The following DRC11 variants were observed in gnomAD, a reference collection of about 807,000 sequenced individuals.
The protein encoded by DRC11 is dynein regulatory complex subunit 11, also known as IQ and AAA domain-containing protein 1.
chr2:236,315,343 A>G, the DRC11 span, among the ~76,000 whole-genome samples: 1 of 152,224 alleles, frequency 6.6e-6, no homozygotes, highest in South Asian at 2.1e-4. This position sits in a 1 kb window ranked among gnomAD's most constrained non-coding sequence, Gnocchi z 5.1. Context: ...TATAAATGTG[A>G]TAAGTGAAAC....
chr2:236,382,553 T>C, the DRC11 span, among the ~76,000 whole-genome samples: 1 of 152,238 alleles, frequency 6.6e-6, no homozygotes, highest in Admixed American at 6.5e-5. Context: ...ACATTTTTAC[T>C]ATGTTGAGTC....
At chr2:236,457,359 A>C in the DRC11 span, among the ~76,000 whole-genome samples, 2 of 152,214 alleles carry the variant, frequency 1.3e-5, no homozygotes, top group African/African-American at 4.8e-5. This position sits in a 1 kb window ranked among gnomAD's most constrained non-coding sequence, Gnocchi z 4.7. Context: ...ACTGAACATC[A>C]AACACGTTTC....
the DRC11 span, among the ~76,000 whole-genome samples, chr2:236,472,314 C>G: frequency 6.6e-6 from 1 of 152,200 alleles, no homozygotes; most frequent in African/African-American, 2.4e-5. This position sits in a 1 kb window ranked among gnomAD's most constrained non-coding sequence, Gnocchi z 4.6. Context: ...TTTGCCTCCA[C>G]AATTCCCCCC....
the DRC11 span, among the ~76,000 whole-genome samples, chr2:236,381,525 C>G: frequency 6.6e-6 from 1 of 152,098 alleles, no homozygotes; most frequent in Non-Finnish European, 1.5e-5. The surrounding 1 kb of genome is among the most constrained non-coding windows in gnomAD (Gnocchi z 5.8). Context: ...TTATAAATTA[C>G]TCAGCCTAAG....
At chr2:236,341,021 C>A in the DRC11 span, among the ~76,000 whole-genome samples, 1 of 152,206 alleles carries the variant, frequency 6.6e-6, no homozygotes, top group Non-Finnish European at 1.5e-5. Context: ...CTGGCCACCT[C>A]CAAAACCGCC....
chr2:236,497,486 T>C, the DRC11 span: 1 of 1,594,868 alleles, frequency 6.3e-7, no homozygotes, highest in South Asian at 1.1e-5. The surrounding 1 kb of genome is among the most constrained non-coding windows in gnomAD (Gnocchi z 5.1). Context: ...TTATTATACA[T>C]TCTGGGGGAA....
chr2:236,309,482 T>C, the DRC11 span, among the ~76,000 whole-genome samples: 1 of 151,788 alleles, frequency 6.6e-6, no homozygotes, highest in Non-Finnish European at 1.5e-5. This position sits in a 1 kb window ranked among gnomAD's most constrained non-coding sequence, Gnocchi z 5.7. Context: ...GCAGAGTGGG[T>C]GGGAAGGCAG....
At chr2:236,308,559 C>T in the DRC11 span, among the ~76,000 whole-genome samples, 1 of 152,236 alleles carries the variant, frequency 6.6e-6, no homozygotes, top group Non-Finnish European at 1.5e-5. This position sits in a 1 kb window ranked among gnomAD's most constrained non-coding sequence, Gnocchi z 6.0. Flanking sequence ...ATAGTGAGCC[C>T]TCTGTGGCCA....
the DRC11 span, among the ~76,000 whole-genome samples, chr2:236,464,341 T>C: frequency 1.3e-5 from 2 of 152,196 alleles, no homozygotes; most frequent in Non-Finnish European, 2.9e-5. Context: ...CCTGAAGTGA[T>C]ATGATGCAAT....
chr2:236,416,971 G>C, the DRC11 span, among the ~76,000 whole-genome samples: 1 of 151,634 alleles, frequency 6.6e-6, no homozygotes, highest in Non-Finnish European at 1.5e-5. Context: ...TATTGGTCAA[G>C]CTGGTCTTGA....
At chr2:236,493,930 G>A in the DRC11 span, 1 of 1,516,462 alleles carries the variant, frequency 6.6e-7, no homozygotes, top group Admixed American at 2.1e-5. Flanking sequence ...CCGTCACAAT[G>A]CCAGGACTAG....
the DRC11 span, among the ~76,000 whole-genome samples, chr2:236,417,861 G>A: frequency 6.6e-6 from 1 of 152,154 alleles, no homozygotes; most frequent in African/African-American, 2.4e-5. Context: ...AGTTTGCTGA[G>A]GATGATAGTT....
the DRC11 span, among the ~76,000 whole-genome samples, chr2:236,494,201 G>T: frequency 6.6e-6 from 1 of 151,984 alleles, no homozygotes; most frequent in Admixed American, 6.6e-5. This position sits in a 1 kb window ranked among gnomAD's most constrained non-coding sequence, Gnocchi z 4.2. Context: ...ATATTACCTC[G>T]TTTTACCTAA....
the DRC11 span, among the ~76,000 whole-genome samples, chr2:236,499,677 G>C: frequency 6.6e-6 from 1 of 152,168 alleles, no homozygotes; most frequent in Admixed American, 6.5e-5. The surrounding 1 kb of genome is among the most constrained non-coding windows in gnomAD (Gnocchi z 4.7). Flanking sequence ...TGATCCACCT[G>C]TCCTGGCCTC....
the DRC11 span, among the ~76,000 whole-genome samples, chr2:236,399,777 A>C: frequency 6.6e-6 from 1 of 151,960 alleles, no homozygotes; most frequent in Non-Finnish European, 1.5e-5. This position sits in a 1 kb window ranked among gnomAD's most constrained non-coding sequence, Gnocchi z 7.0. Flanking sequence ...TTGATTAAAA[A>C]ACTTTCTTTC....
At chr2:236,374,095 C>T in the DRC11 span, among the ~76,000 whole-genome samples, 1 of 152,170 alleles carries the variant, frequency 6.6e-6, no homozygotes, top group Non-Finnish European at 1.5e-5. Context: ...CATTACCTGG[C>T]CCATTGCTCT....
chr2:236,497,239 T>G, the DRC11 span: 1 of 1,613,664 alleles, frequency 6.2e-7, no homozygotes, highest in Middle Eastern at 1.6e-4. The surrounding 1 kb of genome is among the most constrained non-coding windows in gnomAD (Gnocchi z 5.1). Flanking sequence ...CATCTCGTTC[T>G]TCAGCTCCAG....
chr2:236,378,245 T>C, the DRC11 span, among the ~76,000 whole-genome samples: 1 of 152,226 alleles, frequency 6.6e-6, no homozygotes, highest in Non-Finnish European at 1.5e-5. Context: ...AGGATAGCAA[T>C]ATTTGACCCA....
At chr2:236,408,610 T>C in the DRC11 span, 1 of 726,266 alleles carries the variant, frequency 1.4e-6, no homozygotes, top group Non-Finnish European at 2.6e-6. This position sits in a 1 kb window ranked among gnomAD's most constrained non-coding sequence, Gnocchi z 5.5. Flanking sequence ...TGGCAGTGCT[T>C]CTTCATGCTG....
Sources: gnomAD v4.1 joint callset for allele counts (sites outside exome capture counted in the v4.1 genomes callset) on GRCh38, gnomAD v4.1.1 for gene constraint, Gnocchi (gnomAD v3.1) non-coding constraint, MANE v1.5 for transcripts, NCBI Gene and HGNC (gene_info 2026-07-23, HGNC 2026-07-21) for gene names.